KCNH8: variants seen among roughly 807,000 people sequenced by gnomAD.
KCNH8 encodes the protein voltage-gated delayed rectifier potassium channel KCNH8.
KCNH8 carries 70 observed loss-of-function variants against 103.6 expected under a neutral mutation model. The observed-to-expected ratio is 0.68, with a 90% CI of 0.56 to 0.82. The LOEUF (loss-of-function observed/expected upper bound fraction) is 0.82. Ranked by LOEUF, KCNH8 falls within the 40% of genes least tolerant of loss-of-function variation. The pLI is 0.00. For synonymous variants in KCNH8, 498 were observed against 489.4 expected (o/e 1.02, Z -0.23); for missense variants, 1,217 against 1,329.9 (o/e 0.92, Z 1.32).
At position 19,342,715 on chromosome 3, in the gene KCNH8, G is replaced by A. The variant is rs755303397; in HGVS notation, c.570+1G>A. 17 of 1,602,826 alleles carry A rather than the reference G, an allele frequency of 1.1e-5. No homozygotes were observed. Among genetic ancestry groups the A allele is most frequent in the South Asian group, 2.2e-5 (2 of 90,748 alleles). On this transcript the variant is annotated splice_donor_variant, in intron 4 of 15. Coordinates refer to ENST00000328405, the MANE Select transcript of KCNH8 (RefSeq NM_144633.3). LOFTEE classifies it high-confidence loss of function. ...AAAGAACAAATTGAAAATAAATAACGTAGGTGGTATGTGTGTACAGGATGA... is the reference window on the plus strand; with the variant it reads ...AAAGAACAAATTGAAAATAAATAACATAGGTGGTATGTGTGTACAGGATGA...
At chr3:19,522,880 C>T (rs1239587567) in intron 15 of KCNH8, among the ~76,000 whole-genome samples, 1 of 151,736 alleles carries the variant, frequency 6.6e-6, no homozygotes, top group Non-Finnish European at 1.5e-5. Context: ...ATAAATTAAA[C>T]ACTTTCTCAA....
intron 15 of KCNH8, among the ~76,000 whole-genome samples, chr3:19,523,183 T>C (rs943970428): frequency 6.6e-6 from 1 of 151,874 alleles, no homozygotes; most frequent in Non-Finnish European, 1.5e-5. Flanking sequence ...CCTCTTTTTT[T>C]AGGAATGACT....
At chr3:19,291,433 G>C (rs940801743) in intron 3 of KCNH8, among the ~76,000 whole-genome samples, 1 of 152,126 alleles carries the variant, frequency 6.6e-6, no homozygotes, top group African/African-American at 2.4e-5. Context: ...CAAAGACTCT[G>C]GTATGTTGTG....
intron 11 of KCNH8, among the ~76,000 whole-genome samples, chr3:19,473,111 G>C (rs1422174776): frequency 6.6e-6 from 1 of 152,124 alleles, no homozygotes; most frequent in African/African-American, 2.4e-5. Context: ...GAATCAAACA[G>C]AATAAAATCA....
chr3:19,181,006 A>T (rs1252326248), intron 1 of KCNH8, among the ~76,000 whole-genome samples: 2 of 152,174 alleles, frequency 1.3e-5, no homozygotes, highest in Admixed American at 6.5e-5. Context: ...AATTTTCAAG[A>T]TGGCCTGAAT....
chr3:19,296,959 A>G (rs1266957953), intron 3 of KCNH8, among the ~76,000 whole-genome samples: 1 of 152,150 alleles, frequency 6.6e-6, no homozygotes, highest in South Asian at 2.1e-4. Context: ...GAATATTCCA[A>G]TTATATCAGA....
intron 11 of KCNH8, among the ~76,000 whole-genome samples, chr3:19,473,825 C>G (rs1274464447): frequency 6.6e-6 from 1 of 152,170 alleles, no homozygotes; most frequent in African/African-American, 2.4e-5. Context: ...GTGAAAGAAG[C>G]AATGTCTTTA....
At chr3:19,297,712 G>A (rs1431484793) in intron 3 of KCNH8, among the ~76,000 whole-genome samples, 2 of 152,280 alleles carry the variant, frequency 1.3e-5, no homozygotes, top group South Asian at 2.1e-4. Context: ...TTGGTGAGTG[G>A]AAAAGGGCTA....
At chr3:19,381,197 G>T (rs972197855) in intron 5 of KCNH8, among the ~76,000 whole-genome samples, 9 of 152,086 alleles carry the variant, frequency 5.9e-5, no homozygotes, top group African/African-American at 2.2e-4. Context: ...TGACAAATAA[G>T]CCATTGGAAC....
intron 1 of KCNH8, among the ~76,000 whole-genome samples, chr3:19,168,418 T>G (rs756265659): frequency 1.3e-5 from 2 of 152,232 alleles, no homozygotes; most frequent in Non-Finnish European, 2.9e-5. Context: ...ACTTTTCTAC[T>G]AAACATCATT....
chr3:19,394,979 C>A (rs1313599809), intron 6 of KCNH8, 125 bp from the exon 7 acceptor site: 3 of 705,116 alleles, frequency 4.3e-6, no homozygotes, highest in Non-Finnish European at 7.5e-6. Flanking sequence ...ACAAAGAATT[C>A]ATAAAAATAA....
At chr3:19,158,766 G>T (rs1178480167) in intron 1 of KCNH8, among the ~76,000 whole-genome samples, 3 of 151,894 alleles carry the variant, frequency 2.0e-5, no homozygotes, top group African/African-American at 7.2e-5. Flanking sequence ...TAACCAGCCA[G>T]CTTACTGACT....
chr3:19,419,251 G>A (rs1320458310), intron 7 of KCNH8, among the ~76,000 whole-genome samples: 1 of 143,986 alleles, frequency 6.9e-6, no homozygotes. Flanking sequence ...CCAGGCTGGA[G>A]TGCAGTGGCG....
intron 1 of KCNH8, among the ~76,000 whole-genome samples, chr3:19,210,749 C>T (rs573703738): frequency 6.6e-6 from 1 of 151,986 alleles, no homozygotes; most frequent in South Asian, 2.1e-4. Flanking sequence ...AGGAGTCATT[C>T]ATATTTCCCA....
intron 1 of KCNH8, among the ~76,000 whole-genome samples, chr3:19,190,239 A>C (rs1173319705): frequency 6.6e-6 from 1 of 151,948 alleles, no homozygotes; most frequent in Non-Finnish European, 1.5e-5. Flanking sequence ...AGAAGTTCTA[A>C]GGGAAAAATT....
chr3:19,277,053 A>G (rs532508571), intron 2 of KCNH8, among the ~76,000 whole-genome samples: 2 of 152,230 alleles, frequency 1.3e-5, no homozygotes, highest in East Asian at 1.9e-4. Context: ...CAGAAGAAAC[A>G]TTGATAGAAC....
At chr3:19,153,858 T>A (rs1197761874) in intron 1 of KCNH8, among the ~76,000 whole-genome samples, 1 of 152,032 alleles carries the variant, frequency 6.6e-6, no homozygotes, top group Non-Finnish European at 1.5e-5. Context: ...GGTCTTGAAC[T>A]CATGACCTCG....
chr3:19,419,448 C>T (rs2066918751), intron 7 of KCNH8, among the ~76,000 whole-genome samples: 2 of 151,756 alleles, frequency 1.3e-5, no homozygotes, highest in Non-Finnish European at 2.9e-5. Context: ...GATCCGCCCG[C>T]CTCGGCCTCC....
At chr3:19,211,464 CT>C (rs1050074988) in intron 1 of KCNH8, among the ~76,000 whole-genome samples, 2 of 152,140 alleles carry the variant, frequency 1.3e-5, no homozygotes, top group African/African-American at 4.8e-5. Flanking sequence ...GGCAGTATTT[CT>C]CAAGGCGTAG....
Sources: gnomAD v4.1 joint callset for allele counts (sites outside exome capture counted in the v4.1 genomes callset) on GRCh38, gnomAD v4.1.1 for gene constraint, MANE v1.5 for transcripts, NCBI Gene and HGNC (gene_info 2026-07-23, HGNC 2026-07-21) for gene names.